The following MAGI1 variants were observed in gnomAD, a reference collection of about 807,000 sequenced individuals.
The protein encoded by MAGI1 is membrane associated guanylate kinase, WW and PDZ domain containing 1.
MAGI1 carries 58 observed loss-of-function variants against 139.9 expected under a neutral mutation model. The observed-to-expected ratio is 0.41, with a 90% CI of 0.34 to 0.52. MAGI1 has a LOEUF of 0.52. Among genes scored for constraint, MAGI1 ranks in the 20% least tolerant of loss-of-function variants. MAGI1 has a pLI of 0.12. For missense variants in MAGI1, 1,874 were observed against 1,901.6 expected (o/e 0.99, Z 0.27); for synonymous variants, 812 against 737.9 (o/e 1.10, Z -1.63).
At chr3:65,738,730 C>A (rs1330630593) in intron 1 of MAGI1, among the ~76,000 whole-genome samples, 2 of 152,140 alleles carry the variant, frequency 1.3e-5, no homozygotes, top group Non-Finnish European at 2.9e-5. Context: ...TGACCAGGTG[C>A]CTTGTCGATG....
At chr3:66,012,961 C>G (rs1392020333) in intron 1 of MAGI1, among the ~76,000 whole-genome samples, 1 of 152,168 alleles carries the variant, frequency 6.6e-6, no homozygotes, top group African/African-American at 2.4e-5. Flanking sequence ...CTAGCCAACT[C>G]TGAAGCCCAC....
chr3:66,000,961 C>T (rs541128505), intron 1 of MAGI1, among the ~76,000 whole-genome samples: 120 of 152,268 alleles, frequency 7.9e-4, no homozygotes, highest in African/African-American at 2.8e-3. Flanking sequence ...AAGTTGCAGT[C>T]GGCATGTATT....
chr3:65,697,018 A>G (rs1202504658), intron 1 of MAGI1, among the ~76,000 whole-genome samples: 2 of 152,202 alleles, frequency 1.3e-5, no homozygotes, highest in Non-Finnish European at 1.5e-5. Context: ...TCAAATAGAC[A>G]CAATGAAAAA....
intron 1 of MAGI1, among the ~76,000 whole-genome samples, chr3:65,771,841 T>A (rs1008563265): frequency 1.3e-5 from 2 of 152,204 alleles, no homozygotes; most frequent in Non-Finnish European, 2.9e-5. Context: ...CTGAAGTCCA[T>A]TCTATGAGGC....
chr3:65,515,171 A>AG (rs1453684775), intron 2 of MAGI1, among the ~76,000 whole-genome samples: 1 of 76,240 alleles, frequency 1.3e-5, no homozygotes, highest in African/African-American at 5.3e-5. Flanking sequence ...GGGTGGGGGG[A>AG]GGGGGGAGGG....
intron 1 of MAGI1, among the ~76,000 whole-genome samples, chr3:65,637,592 G>T (rs1326649160): frequency 6.7e-6 from 1 of 150,188 alleles, no homozygotes; most frequent in South Asian, 2.1e-4. Flanking sequence ...AAGAAAGAAA[G>T]AAAGAAAGAA....
chr3:65,946,534 T>C (rs1000100441), intron 1 of MAGI1, among the ~76,000 whole-genome samples: 2 of 152,174 alleles, frequency 1.3e-5, no homozygotes, highest in Admixed American at 6.6e-5. Context: ...ACTTTCAGCA[T>C]GGACGAGAAC....
intron 1 of MAGI1, chr3:65,718,591 T>C (rs1025552840): frequency 2.0e-5 from 3 of 152,178 alleles, no homozygotes; most frequent in Non-Finnish European, 4.4e-5. Flanking sequence ...TTTTCATGAC[T>C]CTGGTATAAA....
At chr3:65,358,746 C>T (rs144390760) in intron 22 of MAGI1, among the ~76,000 whole-genome samples, 2 of 152,288 alleles carry the variant, frequency 1.3e-5, no homozygotes, top group Admixed American at 6.5e-5. Context: ...CAAAGCCCTA[C>T]GATACAGGGC....
chr3:65,817,109 G>A (rs2041654444), intron 1 of MAGI1, among the ~76,000 whole-genome samples: 1 of 152,204 alleles, frequency 6.6e-6, no homozygotes, highest in Admixed American at 6.5e-5. Context: ...CTACTTAGGT[G>A]CATAACATGC....
chr3:65,612,911 T>C (rs1013630177), intron 2 of MAGI1, among the ~76,000 whole-genome samples: 1 of 152,122 alleles, frequency 6.6e-6, no homozygotes, highest in Non-Finnish European at 1.5e-5. Context: ...CAAATCTTGA[T>C]GGAAAATGTC....
intron 2 of MAGI1, among the ~76,000 whole-genome samples, chr3:65,618,568 T>A (rs1239979361): frequency 1.4e-5 from 2 of 148,088 alleles, no homozygotes; most frequent in Non-Finnish European, 3.0e-5. Flanking sequence ...CATCAGAAAC[T>A]TTTTTTTTTC....
chr3:65,746,087 G>T (rs896332772), intron 1 of MAGI1, among the ~76,000 whole-genome samples: 1 of 152,142 alleles, frequency 6.6e-6, no homozygotes, highest in Non-Finnish European at 1.5e-5. Flanking sequence ...CCAGGCTGCA[G>T]TACAGTGGCA....
At chr3:65,449,469 CAT>C (rs1948884100) in intron 6 of MAGI1, among the ~76,000 whole-genome samples, 1 of 152,052 alleles carries the variant, frequency 6.6e-6, no homozygotes, top group South Asian at 2.1e-4. Flanking sequence ...TGCTAGGTGA[CAT>C]ATCAAAATGA....
chr3:65,570,515 A>C (rs1048074064), intron 2 of MAGI1, among the ~76,000 whole-genome samples: 1 of 152,224 alleles, frequency 6.6e-6, no homozygotes, highest in Non-Finnish European at 1.5e-5. Flanking sequence ...TAAAGTATAA[A>C]GAATGTCAAA....
chr3:65,859,255 C>T (rs961425888), intron 1 of MAGI1, among the ~76,000 whole-genome samples: 1 of 150,966 alleles, frequency 6.6e-6, no homozygotes, highest in African/African-American at 2.4e-5. Context: ...ATCACTTGAA[C>T]CCAGGAGGTA....
intron 2 of MAGI1, among the ~76,000 whole-genome samples, chr3:65,579,370 T>A (rs114217507): frequency 6.6e-6 from 1 of 152,154 alleles, no homozygotes; most frequent in African/African-American, 2.4e-5. Flanking sequence ...TTGGGCCTTA[T>A]ACAGTTCCTT....
rs142424255 is a variant in MAGI1, at chr3:65,853,404, G to A, written c.313+184592C>T. 3.7e-4 allele frequency among the ~76,000 whole-genome samples: 57 copies of A among 152,262 alleles called. No individual in the cohort carries two copies. The East Asian group carries it at 6.8e-3, about 18-fold the overall frequency. ...TAAATTCCTAGTAGGGCAAAGATAA[G>A]ATCTTAATTCATTCACCTATGCATA... On this transcript the variant is annotated intron_variant, in intron 1 of 22. Coordinates refer to ENST00000402939, the MANE Select transcript of MAGI1 (RefSeq NM_001033057.2).
At chr3:65,428,626 C>T (rs1225630797) in intron 12 of MAGI1, among the ~76,000 whole-genome samples, 6 of 152,130 alleles carry the variant, frequency 3.9e-5, no homozygotes, top group Admixed American at 3.9e-4. Context: ...TAAAAGGAGT[C>T]AGGTGTTGTG....
Sources: allele counts gnomAD v4.1 joint callset (sites outside exome capture counted in the v4.1 genomes callset), GRCh38; gene constraint gnomAD v4.1.1; transcripts MANE v1.5; gene names NCBI Gene and HGNC (gene_info 2026-07-23, HGNC 2026-07-21).